EYA1: variants seen among roughly 807,000 people sequenced by gnomAD.
EYA1 encodes EYA transcriptional coactivator and phosphatase 1.
EYA1 carries 16 observed loss-of-function variants against 82.0 expected under a neutral mutation model. The observed-to-expected ratio is 0.20, with a 90% CI of 0.13 to 0.30. The LOEUF is 0.30. Ranked by LOEUF, EYA1 falls within the 10% of genes least tolerant of loss-of-function variation. The probability of loss-of-function intolerance (pLI) is 1.00; values close to 1 mark genes in which losing one functional copy is unlikely to be tolerated. For synonymous variants in EYA1, 261 were observed against 264.4 expected, an observed-to-expected ratio of 0.99 and a Z score of 0.12; for missense variants, 633 against 730.7, an observed-to-expected ratio of 0.87 and a Z score of 1.54.
chr8:71,299,563 G>T, intron 8 of EYA1, 75 bp downstream of exon 8: 1 of 907,590 alleles, frequency 1.1e-6, no homozygotes, highest in Middle Eastern at 2.5e-4. Flanking sequence ...CTTATAAACA[G>T]ATCTTTCTTT....
intron 1 of EYA1, among the ~76,000 whole-genome samples, chr8:71,536,473 TG>T (rs1814722423): frequency 6.6e-6 from 1 of 152,152 alleles, no homozygotes; most frequent in Admixed American, 6.6e-5. Flanking sequence ...ACAGTAAATG[TG>T]GTATTTTCAA....
At chr8:71,505,559 G>A (rs1027359207) in intron 2 of EYA1, among the ~76,000 whole-genome samples, 3 of 152,156 alleles carry the variant, frequency 2.0e-5, no homozygotes, top group East Asian at 1.9e-4. Context: ...CAAAAAGACT[G>A]TGAAAGTTAG....
intron 2 of EYA1, among the ~76,000 whole-genome samples, chr8:71,408,875 A>G (rs1486986562): frequency 1.2e-4 from 14 of 115,030 alleles, no homozygotes; most frequent in African/African-American, 4.3e-4. Flanking sequence ...AAGCGGACCT[A>G]ATAGACATCT....
rs1808463355 is a variant in EYA1, at chr8:71,211,205, A to G, written c.1649T>C (p.Val550Ala). 4 of 1,613,680 alleles carry G rather than the reference A, an allele frequency of 2.5e-6. No homozygotes were observed. Among genetic ancestry groups the G allele is most frequent in the Non-Finnish European group, 3.4e-6 (4 of 1,179,696 alleles). ...RIIQRFGRKV[V>A]YVVIGDGVEE... ...TACACCATCTCCTATAACAACATAC[A>G]CCACTTTTCTTCCAAACCTTTGAAT... The change falls in exon 17 of 18, where the codon GTG (valine) becomes GCG (alanine). Residue 550 changes from valine to alanine, a missense_variant. By Grantham distance (64) the Val-to-Ala change is moderately conservative (BLOSUM62 0). Coordinates refer to ENST00000340726, the MANE Select transcript of EYA1 (RefSeq NM_000503.6).
At chr8:71,294,273 C>A (rs1272329595) in intron 9 of EYA1, among the ~76,000 whole-genome samples, 1 of 152,052 alleles carries the variant, frequency 6.6e-6, no homozygotes, top group East Asian at 1.9e-4. Context: ...TCCTGGCTAA[C>A]ACAGTGAAAC....
intron 2 of EYA1, among the ~76,000 whole-genome samples, chr8:71,531,879 C>T (rs931089989): frequency 4.6e-5 from 7 of 152,200 alleles, no homozygotes; most frequent in South Asian, 2.1e-4. Context: ...CAAAATCACA[C>T]GTGTTACTGA....
At chr8:71,296,521 T>G (rs986461264) in intron 9 of EYA1, among the ~76,000 whole-genome samples, 1 of 151,006 alleles carries the variant, frequency 6.6e-6, no homozygotes, top group Admixed American at 6.6e-5. Context: ...CATAATATAA[T>G]GAAATTGAAA....
chr8:71,445,708 G>C (rs1299788735), intron 2 of EYA1, among the ~76,000 whole-genome samples: 1 of 151,950 alleles, frequency 6.6e-6, no homozygotes, highest in African/African-American at 2.4e-5. Flanking sequence ...GCACGATCTC[G>C]GCTCACTGCC....
intron 11 of EYA1, among the ~76,000 whole-genome samples, chr8:71,255,851 A>G (rs1814346534): frequency 1.3e-5 from 2 of 151,850 alleles, no homozygotes; most frequent in South Asian, 4.2e-4. Flanking sequence ...CAGAATATGT[A>G]AAGACCTCCT....
At chr8:71,397,782 T>C (rs1323396028) in intron 2 of EYA1, among the ~76,000 whole-genome samples, 1 of 152,196 alleles carries the variant, frequency 6.6e-6, no homozygotes, top group Non-Finnish European at 1.5e-5. Flanking sequence ...GTGGCTCTTC[T>C]CGAGGAGTAT....
rs1392799354 is a variant in EYA1 at position 71,216,821 on chromosome 8, C to G, written c.1231G>C (p.Ala411Pro). 1.2e-6 allele frequency: 2 copies of G among 1,614,026 alleles called. No homozygotes were observed. The highest frequency in any genetic ancestry group is 3.3e-5 in the Admixed American group (2 of 60,000). ...TYNFGTDGFP[A>P]AATSANLCLA... ...CATAAGTTAGCACTGGTTGCTGCAG[C>G]AGGAAAGCCATCTGTTCCAAAGTTA... Residue 411 changes from alanine (A) to proline (P), a missense_variant, in exon 14 of 18, where the codon GCT becomes CCT. By Grantham distance (27) the Ala-to-Pro change is conservative. Coordinates refer to ENST00000340726, the MANE Select transcript of EYA1 (RefSeq NM_000503.6).
intron 17 of EYA1, among the ~76,000 whole-genome samples, chr8:71,208,817 G>T (rs148970191): frequency 3.9e-5 from 6 of 152,248 alleles, no homozygotes; most frequent in African/African-American, 1.4e-4. Context: ...CTGAAACCAA[G>T]AATTCCTTTG....
intron 16 of EYA1, among the ~76,000 whole-genome samples, chr8:71,214,903 T>C (rs1268954610): frequency 6.6e-6 from 1 of 152,220 alleles, no homozygotes; most frequent in African/African-American, 2.4e-5. Flanking sequence ...CCCAACTATG[T>C]TTCTTTCATG....
intron 12 of EYA1, among the ~76,000 whole-genome samples, chr8:71,223,469 C>A (rs1448530109): frequency 1.3e-5 from 2 of 152,196 alleles, no homozygotes; most frequent in Non-Finnish European, 2.9e-5. Context: ...TGGCCCTCAG[C>A]TAACAGTCAT....
At chr8:71,233,729 G>A (rs1377771507) in intron 12 of EYA1, among the ~76,000 whole-genome samples, 2 of 152,022 alleles carry the variant, frequency 1.3e-5, no homozygotes, top group African/African-American at 4.8e-5. Context: ...CTGACTTAAC[G>A]TAATATGAAA....
chr8:71,535,073 C>CT (rs34082903), intron 2 of EYA1, among the ~76,000 whole-genome samples: 8,469 of 151,766 alleles, frequency 0.056, 307 homozygotes, highest in South Asian at 0.12. Flanking sequence ...CTGAAATATG[C>CT]TTTTTTTTAA....
At chr8:71,274,790 A>C (rs1245647112) in intron 9 of EYA1, among the ~76,000 whole-genome samples, 1 of 152,216 alleles carries the variant, frequency 6.6e-6, no homozygotes, top group Non-Finnish European at 1.5e-5. Flanking sequence ...CTGAAGACAG[A>C]GGACAAATGC....
intron 6 of EYA1, among the ~76,000 whole-genome samples, chr8:71,318,619 T>C (rs912698678): frequency 6.6e-6 from 1 of 152,276 alleles, no homozygotes; most frequent in Non-Finnish European, 1.5e-5. Context: ...TCCTTCATTC[T>C]CACAGAGGGA....
intron 17 of EYA1, among the ~76,000 whole-genome samples, chr8:71,209,785 G>T (rs1808279828): frequency 6.6e-6 from 1 of 152,170 alleles, no homozygotes; most frequent in Non-Finnish European, 1.5e-5. Flanking sequence ...TATGCTGTTG[G>T]TTAATCCCAT....
Sources: allele counts gnomAD v4.1 joint callset (sites outside exome capture counted in the v4.1 genomes callset), GRCh38; gene constraint gnomAD v4.1.1; transcripts MANE v1.5; gene names NCBI Gene and HGNC (gene_info 2026-07-23, HGNC 2026-07-21).